Variants in WWOX observed in about 807,000 individuals in gnomAD.
WWOX encodes the protein WW domain-containing oxidoreductase.
Under a neutral mutation model 46.2 loss-of-function variants are expected in WWOX, and 69 were observed. That is an observed-to-expected ratio of 1.49 (90% confidence interval 1.23 to 1.82). WWOX has a LOEUF of 1.82. Ranked by LOEUF, WWOX falls within the 40% of genes most tolerant of loss-of-function variation. WWOX has a pLI of 0.00. For missense variants in WWOX, 919 were observed against 542.6 expected, an observed-to-expected ratio of 1.69 and a Z score of -6.89; for synonymous variants, 359 against 202.6, an observed-to-expected ratio of 1.77 and a Z score of -6.56.
At chr16:78,303,903 C>A (rs1230160158) in intron 5 of WWOX, among the ~76,000 whole-genome samples, 1 of 152,204 alleles carries the variant, frequency 6.6e-6, no homozygotes, top group Non-Finnish European at 1.5e-5. Context: ...CACTCCTATT[C>A]TGGAAAGAGC....
intron 8 of WWOX, among the ~76,000 whole-genome samples, chr16:78,801,129 C>T (rs539092498): frequency 2.0e-5 from 3 of 151,816 alleles, no homozygotes; most frequent in Admixed American, 1.3e-4. Flanking sequence ...TCTTGGCTCA[C>T]TGCAGCCTCC....
intron 8 of WWOX, among the ~76,000 whole-genome samples, chr16:78,798,871 G>T (rs1255979143): frequency 6.6e-6 from 1 of 152,108 alleles, no homozygotes; most frequent in Admixed American, 6.5e-5. Flanking sequence ...TACAGATTAG[G>T]CAGTGTCCTT....
At chr16:78,704,907 T>TA (rs1383220699) in intron 8 of WWOX, among the ~76,000 whole-genome samples, 1 of 138,920 alleles carries the variant, frequency 7.2e-6, no homozygotes, top group Non-Finnish European at 1.5e-5. Context: ...CTTCTTCCTC[T>TA]AAAATACAAC....
At chr16:78,470,118 T>C (rs2084185851) in intron 8 of WWOX, among the ~76,000 whole-genome samples, 1 of 152,220 alleles carries the variant, frequency 6.6e-6, no homozygotes, top group Non-Finnish European at 1.5e-5. Context: ...GGACTCAAGC[T>C]CTTTTCATCT....
At chr16:78,638,749 C>G (rs950784919) in intron 8 of WWOX, among the ~76,000 whole-genome samples, 3 of 152,154 alleles carry the variant, frequency 2.0e-5, no homozygotes, top group African/African-American at 7.2e-5. Flanking sequence ...AGGGTGCTCT[C>G]TCTCTCTGGG....
intron 8 of WWOX, among the ~76,000 whole-genome samples, chr16:78,454,294 T>A (rs1028930414): frequency 6.6e-6 from 1 of 152,148 alleles, no homozygotes; most frequent in South Asian, 2.1e-4. Context: ...TCTCTCAAAC[T>A]TTTTTGGACC....
chr16:78,634,837 AGTGTGTGTGTGTGT>A (rs59374463), intron 8 of WWOX, among the ~76,000 whole-genome samples: 3 of 111,784 alleles, frequency 2.7e-5, no homozygotes, highest in African/African-American at 1.1e-4. Context: ...AGAGAGAGAG[AGTGTGTGTGTGTGT>A]GTGTGTGTGT....
Position 78,424,862 on chromosome 16 carries a change from T to C in WWOX, c.606-8T>C. 2 of 1,614,162 alleles carry C rather than the reference T, an allele frequency of 1.2e-6. No individual in the cohort carries two copies. The highest frequency in any genetic ancestry group is 1.1e-5 in the South Asian group (1 of 91,088). On this transcript the variant is annotated splice_polypyrimidine_tract_variant and splice_region_variant and intron_variant, in intron 6 of 8. Coordinates refer to ENST00000566780, the MANE Select transcript of WWOX (RefSeq NM_016373.4). ...TGTCCACATCACATGGGATATTTTA[T>C]TTTTCAGGCCTCTTCATGTGCTTGT... is the stretch of plus-strand genomic sequence containing the variant.
At chr16:78,385,775 C>T (rs916013514) in intron 5 of WWOX, among the ~76,000 whole-genome samples, 7 of 152,202 alleles carry the variant, frequency 4.6e-5, no homozygotes, top group African/African-American at 1.4e-4. Flanking sequence ...ACTAGAATTC[C>T]CAAGTCAACC....
At chr16:78,478,300 G>A (rs137911755) in intron 8 of WWOX, among the ~76,000 whole-genome samples, 1 of 152,192 alleles carries the variant, frequency 6.6e-6, no homozygotes, top group African/African-American at 2.4e-5. Flanking sequence ...CAAACACAGT[G>A]TATCCATCTT....
intron 8 of WWOX, among the ~76,000 whole-genome samples, chr16:78,927,411 A>G (rs756289692): frequency 1.3e-5 from 2 of 152,100 alleles, no homozygotes; most frequent in Admixed American, 6.5e-5. Context: ...TATGTCTGTT[A>G]TTACCATGTG....
intron 8 of WWOX, among the ~76,000 whole-genome samples, chr16:78,868,994 G>A (rs113942068): frequency 1.3e-5 from 2 of 152,022 alleles, no homozygotes; most frequent in African/African-American, 4.8e-5. Flanking sequence ...CATGCGATCT[G>A]TAAAAAGTCA....
chr16:78,367,892 G>T (rs1481963486), intron 5 of WWOX, among the ~76,000 whole-genome samples: 4 of 152,088 alleles, frequency 2.6e-5, no homozygotes, highest in African/African-American at 9.7e-5. Context: ...GAGTAGCTGT[G>T]ATTACAGGTG....
At chr16:79,192,518 A>C (rs1227102773) in intron 8 of WWOX, among the ~76,000 whole-genome samples, 2 of 152,194 alleles carry the variant, frequency 1.3e-5, no homozygotes, top group Non-Finnish European at 2.9e-5. Flanking sequence ...CAACTGAAAA[A>C]GATGTGAGGT....
intron 8 of WWOX, among the ~76,000 whole-genome samples, chr16:78,765,783 C>G (rs2049912340): frequency 6.6e-6 from 1 of 152,180 alleles, no homozygotes. Context: ...AGGCAAAAAT[C>G]ACAACCTCTG....
chr16:78,225,319 A>C (rs1203707888), intron 5 of WWOX, among the ~76,000 whole-genome samples: 1 of 152,202 alleles, frequency 6.6e-6, no homozygotes, highest in Non-Finnish European at 1.5e-5. Context: ...ATCTGATGGG[A>C]TCGGCATTGT....
chr16:78,427,255 T>C (rs186255832), intron 7 of WWOX, among the ~76,000 whole-genome samples: 133 of 152,352 alleles, frequency 8.7e-4, no homozygotes, highest in African/African-American at 3.1e-3. Context: ...GAAAATATTA[T>C]ACTAGACTGC....
At chr16:78,850,097 G>C (rs984842519) in intron 8 of WWOX, among the ~76,000 whole-genome samples, 1 of 151,966 alleles carries the variant, frequency 6.6e-6, no homozygotes, top group Non-Finnish European at 1.5e-5. Flanking sequence ...GAGTGATAGA[G>C]TGAGAATTTG....
Position 78,210,307 on chromosome 16 carries a change from C to T in WWOX, c.516+46018C>T, listed in dbSNP as rs572040423. 1.9e-3 allele frequency among the ~76,000 whole-genome samples: 284 copies of T among 152,226 alleles called. 1 individual carries two copies. The highest frequency in any genetic ancestry group is 3.2e-3 in the Non-Finnish European group (220 of 68,002). ...CATGCTGTATTTAACAGGGAAGCATCGGCTTCAGGCAGTCGATACCACTGA... is the reference window on the plus strand; with the variant it reads ...CATGCTGTATTTAACAGGGAAGCATTGGCTTCAGGCAGTCGATACCACTGA... On this transcript the variant is annotated intron_variant, in intron 5 of 8. Coordinates refer to ENST00000566780, the MANE Select transcript of WWOX (RefSeq NM_016373.4).
Sources: gnomAD v4.1 joint callset for allele counts (sites outside exome capture counted in the v4.1 genomes callset) on GRCh38, gnomAD v4.1.1 for gene constraint, MANE v1.5 for transcripts, NCBI Gene and HGNC (gene_info 2026-07-23, HGNC 2026-07-21) for gene names.